CADPS: variants seen among roughly 807,000 people sequenced by gnomAD.
CADPS encodes the protein calcium dependent secretion activator, also known as calcium-dependent secretion activator 1.
In CADPS, 57 loss-of-function variants were observed where a neutral mutation model predicts 167.3. That is an observed-to-expected ratio of 0.34 (90% CI 0.28 to 0.42). CADPS has a LOEUF of 0.42. CADPS is among the 20% of genes least tolerant of loss of function. The probability of loss-of-function intolerance (pLI) is 1.00; values close to 1 mark genes in which losing one functional copy is unlikely to be tolerated. For missense variants in CADPS, 1,414 were observed against 1,738.1 expected, an observed-to-expected ratio of 0.81 and a Z score of 3.32; for synonymous variants, 676 against 635.3, an observed-to-expected ratio of 1.06 and a Z score of -0.96.
intron 28 of CADPS, among the ~76,000 whole-genome samples, chr3:62,424,166 C>T (rs187228163): frequency 3.3e-5 from 5 of 152,064 alleles, no homozygotes; most frequent in South Asian, 2.1e-4. Flanking sequence ...GGAACTTACT[C>T]GCAGTGCAAT....
chr3:62,439,013 A>AG (rs375664098), intron 27 of CADPS: 1 of 152,010 alleles, frequency 6.6e-6, no homozygotes, highest in Non-Finnish European at 1.5e-5. Flanking sequence ...AAAAAAAAAA[A>AG]GAAACTCAGA....
intron 3 of CADPS, among the ~76,000 whole-genome samples, chr3:62,737,857 C>G (rs2079322738): frequency 1.3e-5 from 2 of 152,168 alleles, no homozygotes; most frequent in Non-Finnish European, 2.9e-5. Context: ...ACAGAGACTT[C>G]TCTGTCTACA....
chr3:62,812,593 G>A (rs1008267996), intron 1 of CADPS, among the ~76,000 whole-genome samples: 27 of 152,166 alleles, frequency 1.8e-4, no homozygotes, highest in Non-Finnish European at 4.0e-4. Flanking sequence ...GAAAACAACT[G>A]GCATGTGCTG....
At chr3:62,580,185 C>A (rs1390544935) in intron 8 of CADPS, among the ~76,000 whole-genome samples, 1 of 152,064 alleles carries the variant, frequency 6.6e-6, no homozygotes, top group Non-Finnish European at 1.5e-5. Flanking sequence ...TGGAACCAAC[C>A]CAAATGTCCA....
chr3:62,863,301 T>C (rs894933288), intron 1 of CADPS, among the ~76,000 whole-genome samples: 23 of 152,314 alleles, frequency 1.5e-4, no homozygotes, highest in Middle Eastern at 3.4e-3. Context: ...AAATTTCTTA[T>C]CTGCTTTTCC....
At chr3:62,716,902 A>C (rs945503588) in intron 3 of CADPS, among the ~76,000 whole-genome samples, 5 of 152,184 alleles carry the variant, frequency 3.3e-5, no homozygotes, top group Non-Finnish European at 5.9e-5. Flanking sequence ...TCCAAATGTT[A>C]ATGGTTCATA....
At chr3:62,586,725 A>G (rs2084726921) in intron 7 of CADPS, among the ~76,000 whole-genome samples, 1 of 152,184 alleles carries the variant, frequency 6.6e-6, no homozygotes, top group African/African-American at 2.4e-5. Context: ...ATGTTTTTTG[A>G]TCATGCCCTA....
chr3:62,805,231 T>C (rs891348870), intron 1 of CADPS, among the ~76,000 whole-genome samples: 11 of 152,208 alleles, frequency 7.2e-5, no homozygotes, highest in African/African-American at 2.7e-4. Flanking sequence ...AACCGCTCAC[T>C]GTTATTGAGA....
intron 3 of CADPS, among the ~76,000 whole-genome samples, chr3:62,725,273 A>G (rs1021057658): frequency 1.3e-5 from 2 of 152,250 alleles, no homozygotes; most frequent in Non-Finnish European, 2.9e-5. Context: ...AAATGTGGCC[A>G]GTGTGATAGA....
intron 3 of CADPS, among the ~76,000 whole-genome samples, chr3:62,670,743 G>A (rs920432032): frequency 6.6e-6 from 1 of 151,868 alleles, no homozygotes; most frequent in African/African-American, 2.4e-5. Context: ...TGCTCAACCA[G>A]TCTTTCCCCA....
In CADPS at chr3:62,874,376, C is replaced by T. The variant is rs1452041505; in HGVS notation, c.441+213G>A. ...CGGCGCTGCGCTCCGCGGCCCTCGC[C>T]GGTCCCAGTCAGCTCCAGGAGCGCT... is the stretch of plus-strand genomic sequence containing the variant. On this transcript the variant is annotated intron_variant, in intron 1 of 29. Coordinates refer to ENST00000383710, the MANE Select transcript of CADPS (RefSeq NM_003716.4). This position sits in a 1 kb window ranked among gnomAD's most constrained non-coding sequence, Gnocchi z 7.1. Among the ~76,000 whole-genome samples, 1 of 152,150 alleles carries T rather than the reference C, an allele frequency of 6.6e-6. No individual in the cohort carries two copies. Among genetic ancestry groups the T allele is most frequent in the African/African-American group, 2.4e-5 (1 of 41,468 alleles).
intron 6 of CADPS, among the ~76,000 whole-genome samples, chr3:62,597,397 T>G (rs2059082414): frequency 6.6e-6 from 1 of 152,102 alleles, no homozygotes; most frequent in African/African-American, 2.4e-5. Flanking sequence ...TGGGCATTCA[T>G]TATACTTGGT....
At chr3:62,616,046 GT>G (rs2062229781) in intron 6 of CADPS, among the ~76,000 whole-genome samples, 1 of 151,996 alleles carries the variant, frequency 6.6e-6, no homozygotes, top group East Asian at 1.9e-4. Flanking sequence ...GCCTACAAAT[GT>G]TTTTCCCCTT....
chr3:62,521,996 C>T (rs2070728838), intron 13 of CADPS, among the ~76,000 whole-genome samples: 1 of 152,174 alleles, frequency 6.6e-6, no homozygotes, highest in Non-Finnish European at 1.5e-5. Flanking sequence ...ACGGAATTTG[C>T]TTGTTCCAGC....
chr3:62,453,674 G>C (rs2058350071), intron 26 of CADPS, among the ~76,000 whole-genome samples: 2 of 152,212 alleles, frequency 1.3e-5, no homozygotes, highest in African/African-American at 4.8e-5. Context: ...AACCTCAGTG[G>C]CTTCTGCCTG....
chr3:62,468,962 T>C (rs1415802537), intron 24 of CADPS, among the ~76,000 whole-genome samples: 1 of 152,196 alleles, frequency 6.6e-6, no homozygotes, highest in African/African-American at 2.4e-5. Flanking sequence ...AAACGTGGTT[T>C]AGAAACTGAG....
chr3:62,766,693 C>A (rs2086961499), intron 1 of CADPS, among the ~76,000 whole-genome samples: 1 of 152,166 alleles, frequency 6.6e-6, no homozygotes, highest in Non-Finnish European at 1.5e-5. Context: ...ATCAATCCCA[C>A]CTTTCTTTCT....
intron 28 of CADPS, among the ~76,000 whole-genome samples, chr3:62,410,100 G>A (rs2048674936): frequency 6.6e-6 from 1 of 152,078 alleles, no homozygotes; most frequent in Non-Finnish European, 1.5e-5. Context: ...ATGCCTGTAA[G>A]TGAGGGAAAT....
chr3:62,497,798 G>C (rs924371753), intron 18 of CADPS, among the ~76,000 whole-genome samples: 4 of 152,192 alleles, frequency 2.6e-5, no homozygotes, highest in Non-Finnish European at 4.4e-5. Context: ...TGGTTACTAA[G>C]TTTGATACTC....
Sources: gnomAD v4.1 joint callset for allele counts (sites outside exome capture counted in the v4.1 genomes callset) on GRCh38, gnomAD v4.1.1 for gene constraint, Gnocchi (gnomAD v3.1) non-coding constraint, MANE v1.5 for transcripts, NCBI Gene and HGNC (gene_info 2026-07-23, HGNC 2026-07-21) for gene names.